Variants in DMD observed in about 807,000 individuals in gnomAD.
DMD encodes dystrophin, also known as mutant dystrophin.
Under a neutral mutation model 330.1 loss-of-function variants are expected in DMD, and 63 were observed. The observed-to-expected ratio is 0.19, with a 90% CI of 0.16 to 0.24. DMD has a LOEUF of 0.24. Ranked by LOEUF, DMD falls within the 10% of genes least tolerant of loss-of-function variation. The probability of loss-of-function intolerance (pLI) is 1.00; values close to 1 mark genes in which losing one functional copy is unlikely to be tolerated. For synonymous variants in DMD, 1,223 were observed against 959.8 expected, an observed-to-expected ratio of 1.27 and a Z score of -5.07; for missense variants, 3,344 against 2,684.1, an observed-to-expected ratio of 1.25 and a Z score of -5.43.
intron 7 of DMD, among the ~76,000 whole-genome samples, chrX:32,714,196 G>C (rs1333885470): frequency 9.0e-6 from 1 of 111,261 alleles, no homozygotes; most frequent in Non-Finnish European, 1.9e-5. Flanking sequence ...TAGATTTAAG[G>C]GGTACAAGTG....
At chrX:32,494,171 T>A (rs2043263624) in intron 19 of DMD, among the ~76,000 whole-genome samples, 1 of 111,383 alleles carries the variant, frequency 9.0e-6, no homozygotes, top group South Asian at 3.8e-4. Context: ...TTTTAATGAG[T>A]CATTGTTGAT....
At chrX:33,041,289 G>A in intron 1 of DMD, 1 of 813,772 alleles carries the variant, frequency 1.2e-6, no homozygotes. Flanking sequence ...CGCGCAGCCT[G>A]CGCATGCGCG....
rs72468673 is a variant in DMD at position 32,472,037 on chromosome X, A to C, written c.2949+127T>G. On this transcript the variant is annotated intron_variant, in intron 22 of 78. Coordinates refer to ENST00000357033, the MANE Select transcript of DMD (RefSeq NM_004006.3). ...AATAATACTGTAAAGTCTCATTTTCATTTGCTCAATGGGCAAACTACCATA... is the reference window on the plus strand; with the variant it reads ...AATAATACTGTAAAGTCTCATTTTCCTTTGCTCAATGGGCAAACTACCATA... 4,014 of 843,509 alleles carry C rather than the reference A, an allele frequency of 4.8e-3. 97 individuals carry two copies. The African/African-American group carries it at 0.07, about 15-fold the overall frequency. 69.5% of individuals were successfully genotyped at this position (843,509 alleles called of 1,213,427 possible). A position where few individuals can be genotyped will look rare whatever the true frequency, so the allele number is the denominator to read the frequency against.
At chrX:32,050,144 G>T (rs2096097507) in intron 44 of DMD, among the ~76,000 whole-genome samples, 1 of 111,273 alleles carries the variant, frequency 9.0e-6, no homozygotes, top group Non-Finnish European at 1.9e-5. Context: ...AAATGTGCAG[G>T]TCCGGAAATG....
At chrX:31,867,961 T>C (rs2093829063) in intron 48 of DMD, among the ~76,000 whole-genome samples, 1 of 111,767 alleles carries the variant, frequency 8.9e-6, no homozygotes, top group African/African-American at 3.3e-5. Flanking sequence ...TGCTGATGCT[T>C]CCCTGAGTGC....
chrX:31,525,761 G>A (rs187795689), intron 55 of DMD, among the ~76,000 whole-genome samples: 4 of 112,368 alleles, frequency 3.6e-5, no homozygotes, highest in South Asian at 3.7e-4. Flanking sequence ...CACTTTACTC[G>A]TTGACGGTGA....
intron 44 of DMD, among the ~76,000 whole-genome samples, chrX:32,087,781 A>T (rs2096450000): frequency 1.8e-5 from 2 of 112,581 alleles, no homozygotes; most frequent in African/African-American, 6.5e-5. Context: ...ATTCACGAGC[A>T]TAAAGAGTAA....
intron 7 of DMD, among the ~76,000 whole-genome samples, chrX:32,762,263 C>G (rs1333499124): frequency 1.8e-5 from 2 of 110,732 alleles, no homozygotes; most frequent in Middle Eastern, 4.7e-3. Flanking sequence ...AGAAATGAAA[C>G]TCTATCAACC....
intron 53 of DMD, among the ~76,000 whole-genome samples, chrX:31,661,796 T>C (rs1241142919): frequency 8.9e-6 from 1 of 111,905 alleles, no homozygotes; most frequent in African/African-American, 3.2e-5. Flanking sequence ...CAAAAGATTG[T>C]TTCCCCAACC....
At chrX:33,055,658 A>C (rs1306780066) in intron 1 of DMD, among the ~76,000 whole-genome samples, 1 of 111,780 alleles carries the variant, frequency 8.9e-6, no homozygotes, top group African/African-American at 3.3e-5. Context: ...ATTGTATTCC[A>C]GGACTTGCGG....
intron 50 of DMD, among the ~76,000 whole-genome samples, chrX:31,809,624 G>A (rs752477779): frequency 6.3e-5 from 7 of 111,065 alleles, no homozygotes; most frequent in Non-Finnish European, 1.1e-4. Context: ...TACTGAAGAT[G>A]AGAGAAGGAA....
chrX:32,214,938 G>A (rs1488777162), intron 44 of DMD, among the ~76,000 whole-genome samples: 1 of 111,428 alleles, frequency 9.0e-6, no homozygotes, highest in Non-Finnish European at 1.9e-5. Context: ...ACCCAGAATA[G>A]ACACAGATGA....
At chrX:32,680,460 G>C (rs900054281) in intron 9 of DMD, among the ~76,000 whole-genome samples, 21 of 110,292 alleles carry the variant, frequency 1.9e-4, no homozygotes, top group African/African-American at 6.9e-4. Context: ...CCAAGCCAAA[G>C]GCTGTCTATA....
intron 43 of DMD, among the ~76,000 whole-genome samples, chrX:32,226,181 C>CT (rs1469698788): frequency 2.5e-4 from 28 of 111,927 alleles, no homozygotes; most frequent in African/African-American, 8.4e-4. Flanking sequence ...TCAGCGCTCT[C>CT]TAACAGACAA....
At chrX:32,894,837 T>A (rs2085558845) in intron 2 of DMD, among the ~76,000 whole-genome samples, 3 of 112,500 alleles carry the variant, frequency 2.7e-5, no homozygotes, top group African/African-American at 9.7e-5. Context: ...TATGCATGGG[T>A]GTTTTTACAG....
intron 50 of DMD, among the ~76,000 whole-genome samples, chrX:31,805,941 A>T (rs984147762): frequency 1.8e-5 from 2 of 112,356 alleles, no homozygotes; most frequent in African/African-American, 6.5e-5. Flanking sequence ...AAATCCAACC[A>T]ACTGCCTGTT....
chrX:31,188,462 T>C (rs1338877180), intron 67 of DMD, among the ~76,000 whole-genome samples: 6 of 112,251 alleles, frequency 5.3e-5, no homozygotes, highest in Non-Finnish European at 7.5e-5. Context: ...CCATTATTTG[T>C]TGAGATACAT....
intron 1 of DMD, among the ~76,000 whole-genome samples, chrX:33,249,495 C>T (rs2052733396): frequency 9.0e-6 from 1 of 111,530 alleles, no homozygotes; most frequent in African/African-American, 3.3e-5. Context: ...TTATGCTCCC[C>T]ATATCATTAT....
chrX:32,428,340 G>A (rs1000422141), intron 29 of DMD, among the ~76,000 whole-genome samples: 9 of 111,746 alleles, frequency 8.1e-5, no homozygotes, highest in African/African-American at 2.9e-4. Flanking sequence ...AAATTTAAGA[G>A]TATTTCCCTA....
Sources: gnomAD v4.1 joint callset for allele counts (sites outside exome capture counted in the v4.1 genomes callset) on GRCh38, gnomAD v4.1.1 for gene constraint, MANE v1.5 for transcripts, NCBI Gene and HGNC (gene_info 2026-07-23, HGNC 2026-07-21) for gene names.